PPFIA2: variants seen among roughly 807,000 people sequenced by gnomAD.
PPFIA2 encodes the protein liprin-alpha-2.
In PPFIA2, 46 loss-of-function variants were observed where a neutral mutation model predicts 175.5. The observed-to-expected ratio is 0.26, with a 90% CI of 0.21 to 0.34. The LOEUF (loss-of-function observed/expected upper bound fraction) is 0.34. Among genes scored for constraint, PPFIA2 ranks in the 10% least tolerant of loss-of-function variants. PPFIA2 has a pLI of 1.00. For missense variants in PPFIA2, 1,179 were observed against 1,506.1 expected, an observed-to-expected ratio of 0.78 and a Z score of 3.60; for synonymous variants, 568 against 511.4, an observed-to-expected ratio of 1.11 and a Z score of -1.49.
intron 4 of PPFIA2, among the ~76,000 whole-genome samples, chr12:81,618,876 G>A (rs763814321): frequency 6.6e-6 from 1 of 152,146 alleles, no homozygotes; most frequent in Non-Finnish European, 1.5e-5. Flanking sequence ...TATTTGTTGA[G>A]TGATATTATT....
At chr12:81,577,990 T>C (rs938504601) in intron 4 of PPFIA2, among the ~76,000 whole-genome samples, 15 of 151,744 alleles carry the variant, frequency 9.9e-5, no homozygotes, top group Non-Finnish European at 2.2e-4. Flanking sequence ...TCATCTGGAA[T>C]CTTTCTATTA....
At chr12:81,684,839 G>C (rs974664447) in intron 3 of PPFIA2, among the ~76,000 whole-genome samples, 33 of 152,088 alleles carry the variant, frequency 2.2e-4, no homozygotes, top group Admixed American at 1.4e-3. Flanking sequence ...GAGGTACTAA[G>C]TTTCTATATA....
chr12:81,624,378 T>G (rs951365357), intron 4 of PPFIA2, among the ~76,000 whole-genome samples: 1 of 148,880 alleles, frequency 6.7e-6, no homozygotes, highest in Non-Finnish European at 1.5e-5. Context: ...CAGGTCACTA[T>G]AAAATATATA....
At chr12:81,640,521 T>C (rs1040460361) in intron 4 of PPFIA2, among the ~76,000 whole-genome samples, 1 of 152,168 alleles carries the variant, frequency 6.6e-6, no homozygotes, top group Non-Finnish European at 1.5e-5. Flanking sequence ...CCATATTTTC[T>C]TTATTCACAA....
At chr12:81,737,743 C>T (rs67124690) in intron 3 of PPFIA2, among the ~76,000 whole-genome samples, 23,920 of 151,736 alleles carry the variant, frequency 0.16, 1,962 homozygotes, top group Middle Eastern at 0.24. Flanking sequence ...AATATATAGA[C>T]TCAACAGCAA....
chr12:81,460,678 AC>A (rs1210364698), intron 4 of PPFIA2, among the ~76,000 whole-genome samples: 1 of 152,132 alleles, frequency 6.6e-6, no homozygotes, highest in African/African-American at 2.4e-5. Context: ...TATTCTCCTT[AC>A]TGTGAACATG....
At chr12:81,714,421 G>A (rs79680576) in intron 3 of PPFIA2, among the ~76,000 whole-genome samples, 1,904 of 150,984 alleles carry the variant, frequency 0.013, 49 homozygotes, top group African/African-American at 0.043. Flanking sequence ...ATGAGAATTA[G>A]GTATTCAAGT....
chr12:81,646,931 GA>G (rs538753814), intron 4 of PPFIA2, among the ~76,000 whole-genome samples: 41 of 151,162 alleles, frequency 2.7e-4, no homozygotes, highest in Non-Finnish European at 1.8e-4. Context: ...AAGGAGGAAG[GA>G]AAAAAAGTTC....
chr12:81,642,602 T>A (rs1227680557), intron 4 of PPFIA2, among the ~76,000 whole-genome samples: 1 of 124,682 alleles, frequency 8.0e-6, no homozygotes, highest in Non-Finnish European at 1.7e-5. Context: ...ATGTAATATA[T>A]ATATACACAC....
intron 4 of PPFIA2, 100 bp downstream of exon 4, chr12:81,676,691 A>G (rs992483772): frequency 1.4e-6 from 1 of 735,078 alleles, no homozygotes; most frequent in Non-Finnish European, 2.0e-6. Context: ...TATAAAAAGT[A>G]CCTGCATATG....
At chr12:81,432,423 A>T (rs1190762773) in intron 7 of PPFIA2, among the ~76,000 whole-genome samples, 1 of 151,538 alleles carries the variant, frequency 6.6e-6, no homozygotes, top group Non-Finnish European at 1.5e-5. Context: ...TTTAACATTA[A>T]CAGGTCTATC....
intron 4 of PPFIA2, among the ~76,000 whole-genome samples, chr12:81,473,302 G>T (rs1480784073): frequency 6.6e-6 from 1 of 152,074 alleles, no homozygotes; most frequent in Non-Finnish European, 1.5e-5. Flanking sequence ...TCAGCTACTA[G>T]GGAGGCTGAG....
At chr12:81,395,151 T>C (rs1019704423) in intron 8 of PPFIA2, among the ~76,000 whole-genome samples, 1 of 151,936 alleles carries the variant, frequency 6.6e-6, no homozygotes, top group African/African-American at 2.4e-5. Flanking sequence ...CATATCAATA[T>C]TGGAAAATCA....
intron 4 of PPFIA2, among the ~76,000 whole-genome samples, chr12:81,637,920 G>C (rs776578477): frequency 5.9e-5 from 9 of 152,094 alleles, no homozygotes; most frequent in Non-Finnish European, 1.0e-4. Context: ...AAAGGTATAG[G>C]TATAGATTTT....
At chr12:81,678,081 G>A (rs1352314296) in intron 3 of PPFIA2, among the ~76,000 whole-genome samples, 2 of 151,692 alleles carry the variant, frequency 1.3e-5, no homozygotes, top group East Asian at 3.9e-4. Flanking sequence ...GGGTTAAATC[G>A]AATGGTTACA....
At chr12:81,564,452 G>T (rs1298087302) in intron 4 of PPFIA2, among the ~76,000 whole-genome samples, 2 of 152,102 alleles carry the variant, frequency 1.3e-5, no homozygotes, top group Non-Finnish European at 2.9e-5. Context: ...GACCAAAATA[G>T]GTTGTCTGTA....
chr12:81,506,097 A>G (rs1461732500), intron 4 of PPFIA2: 1 of 152,234 alleles, frequency 6.6e-6, no homozygotes, highest in Non-Finnish European at 1.5e-5. Context: ...CTGTATCATG[A>G]AAATGTTTCC....
At chr12:81,380,066 A>AT (rs1248309376) in intron 9 of PPFIA2, among the ~76,000 whole-genome samples, 1 of 152,156 alleles carries the variant, frequency 6.6e-6, no homozygotes, top group African/African-American at 2.4e-5. Context: ...AAACGAGCTT[A>AT]TTTTTTTCTA....
chr12:81,436,218 G>A (rs1202755210), intron 7 of PPFIA2, among the ~76,000 whole-genome samples: 2 of 139,894 alleles, frequency 1.4e-5, no homozygotes, highest in East Asian at 4.3e-4. Flanking sequence ...GAGGTGGAGG[G>A]TGCAGTAAGC....
Sources: allele counts gnomAD v4.1 joint callset (sites outside exome capture counted in the v4.1 genomes callset), GRCh38; gene constraint gnomAD v4.1.1; transcripts MANE v1.5; gene names NCBI Gene and HGNC (gene_info 2026-07-23, HGNC 2026-07-21).